RNGTT: variants seen among roughly 807,000 people sequenced by gnomAD.
RNGTT encodes mRNA-capping enzyme.
A neutral mutation model predicts 79.3 loss-of-function variants in RNGTT; 33 were observed. That is an observed-to-expected ratio of 0.42 (90% confidence interval 0.32 to 0.56). The LOEUF (loss-of-function observed/expected upper bound fraction) is 0.56. Ranked by LOEUF, RNGTT falls within the 20% of genes least tolerant of loss-of-function variation. The pLI is 0.17. For missense variants in RNGTT, 497 were observed against 739.1 expected (o/e 0.67, Z 3.80); for synonymous variants, 222 against 235.9 (o/e 0.94, Z 0.54).
intron 8 of RNGTT, among the ~76,000 whole-genome samples, chr6:88,856,394 C>T (rs1180608336): frequency 6.6e-6 from 1 of 150,898 alleles, no homozygotes; most frequent in Non-Finnish European, 1.5e-5. Flanking sequence ...AGGTATTATC[C>T]CAGGGTGAAG....
chr6:88,731,177 C>CA (rs1378630469), intron 13 of RNGTT, among the ~76,000 whole-genome samples: 2 of 151,806 alleles, frequency 1.3e-5, no homozygotes, highest in Non-Finnish European at 1.5e-5. Flanking sequence ...AAAGCCCCCC[C>CA]AAAAAAACAT....
chr6:88,830,239 C>T (rs1780809515), intron 11 of RNGTT, among the ~76,000 whole-genome samples: 1 of 152,076 alleles, frequency 6.6e-6, no homozygotes, highest in African/African-American at 2.4e-5. Context: ...GAAACTCACT[C>T]AAAAACCGCA....
intron 14 of RNGTT, among the ~76,000 whole-genome samples, chr6:88,622,510 T>C (rs1173800306): frequency 2.6e-5 from 4 of 152,152 alleles, no homozygotes; most frequent in Non-Finnish European, 4.4e-5. Flanking sequence ...CCCCTTAGCA[T>C]TGTCTTACAC....
chr6:88,826,824 G>GTGTA (rs1371450082), intron 11 of RNGTT, among the ~76,000 whole-genome samples: 3,441 of 129,074 alleles, frequency 0.027, 94 homozygotes, highest in African/African-American at 0.051. Context: ...ATATGTGTGT[G>GTGTA]TATATATATA....
At chr6:88,917,105 A>T (rs1186035973) in intron 4 of RNGTT, among the ~76,000 whole-genome samples, 1 of 152,248 alleles carries the variant, frequency 6.6e-6, no homozygotes. Flanking sequence ...TCTTTCTAAG[A>T]AACCGGATTT....
At chr6:88,903,734 C>A (rs370341785) in intron 6 of RNGTT, among the ~76,000 whole-genome samples, 1 of 152,150 alleles carries the variant, frequency 6.6e-6, no homozygotes, top group Admixed American at 6.5e-5. Flanking sequence ...ATAAATGAGT[C>A]GTGGTATATA....
chr6:88,725,196 C>T (rs1027615093), intron 13 of RNGTT, among the ~76,000 whole-genome samples: 4 of 152,178 alleles, frequency 2.6e-5, no homozygotes, highest in African/African-American at 9.7e-5. Flanking sequence ...AGGCGTGGCC[C>T]GCCCCCTTGT....
At chr6:88,788,774 GC>G (rs1373535816) in intron 12 of RNGTT, among the ~76,000 whole-genome samples, 1 of 152,150 alleles carries the variant, frequency 6.6e-6, no homozygotes, top group African/African-American at 2.4e-5. Context: ...TTCTGTAAAT[GC>G]AAGGTAATCT....
intron 8 of RNGTT, among the ~76,000 whole-genome samples, chr6:88,862,211 G>GA (rs1378259666): frequency 6.6e-6 from 1 of 152,158 alleles, no homozygotes; most frequent in African/African-American, 2.4e-5. Flanking sequence ...GTAGCTTCGG[G>GA]ATGGGGACTA....
At chr6:88,945,838 A>G (rs531956973) in intron 1 of RNGTT, among the ~76,000 whole-genome samples, 1 of 152,184 alleles carries the variant, frequency 6.6e-6, no homozygotes, top group Non-Finnish European at 1.5e-5. Flanking sequence ...GAGATCACCC[A>G]TGCCTGCTCC....
intron 8 of RNGTT, among the ~76,000 whole-genome samples, chr6:88,877,223 G>T (rs968989710): frequency 6.6e-6 from 1 of 152,178 alleles, no homozygotes; most frequent in Admixed American, 6.5e-5. Flanking sequence ...ACAGTCTTCA[G>T]TTATAACAAC....
intron 11 of RNGTT, among the ~76,000 whole-genome samples, chr6:88,806,898 A>C (rs1779973954): frequency 6.6e-6 from 1 of 152,244 alleles, no homozygotes; most frequent in South Asian, 2.1e-4. Context: ...TACACAATGG[A>C]ATACTATGCA....
chr6:88,899,722 C>T (rs1458750019), intron 6 of RNGTT, among the ~76,000 whole-genome samples: 1 of 152,190 alleles, frequency 6.6e-6, no homozygotes, highest in Admixed American at 6.5e-5. Flanking sequence ...GTGAGCTAGA[C>T]ATCTTCTACA....
intron 2 of RNGTT, among the ~76,000 whole-genome samples, chr6:88,932,918 A>C (rs1366173267): frequency 6.6e-6 from 1 of 152,214 alleles, no homozygotes; most frequent in Non-Finnish European, 1.5e-5. Context: ...ATAAAAAAGA[A>C]GACAATTTAT....
chr6:88,798,853 A>C (rs915345450), intron 12 of RNGTT, among the ~76,000 whole-genome samples: 2 of 152,208 alleles, frequency 1.3e-5, no homozygotes, highest in African/African-American at 2.4e-5. Context: ...AATGGAGAAA[A>C]TTTAGTTACA....
intron 1 of RNGTT, among the ~76,000 whole-genome samples, chr6:88,953,225 A>G (rs1290088335): frequency 6.6e-6 from 1 of 152,218 alleles, no homozygotes; most frequent in Admixed American, 6.5e-5. Context: ...TTTAAAAAAT[A>G]CAAGATATGG....
intron 13 of RNGTT, among the ~76,000 whole-genome samples, chr6:88,765,569 G>A (rs185624760): frequency 2.0e-4 from 31 of 152,222 alleles, no homozygotes; most frequent in African/African-American, 7.0e-4. Flanking sequence ...ATTAAATATT[G>A]AGTATACATA....
intron 1 of RNGTT, among the ~76,000 whole-genome samples, chr6:88,941,933 G>A (rs969975042): frequency 1.5e-4 from 23 of 152,202 alleles, no homozygotes; most frequent in Non-Finnish European, 2.8e-4. Context: ...CAATCTTCCT[G>A]CCTAAGCCTC....
chr6:88,920,517 T>C (rs1459510732), intron 4 of RNGTT, among the ~76,000 whole-genome samples: 1 of 152,198 alleles, frequency 6.6e-6, no homozygotes, highest in African/African-American at 2.4e-5. Context: ...TGAATATATA[T>C]AACAGTCACA....
Sources: gnomAD v4.1 joint callset for allele counts (sites outside exome capture counted in the v4.1 genomes callset) on GRCh38, gnomAD v4.1.1 for gene constraint, MANE v1.5 for transcripts, NCBI Gene and HGNC (gene_info 2026-07-23, HGNC 2026-07-21) for gene names.